PIK3C2A: variants seen among roughly 807,000 people sequenced by gnomAD.
The protein encoded by PIK3C2A is phosphatidylinositol 4-phosphate 3-kinase C2 domain-containing subunit alpha.
A neutral mutation model predicts 204.5 loss-of-function variants in PIK3C2A; 97 were observed. The ratio of observed to expected loss-of-function variants is 0.47; its 90% confidence interval spans 0.40 to 0.56. The LOEUF (loss-of-function observed/expected upper bound fraction) is 0.56. PIK3C2A is among the 20% of genes least tolerant of loss of function. PIK3C2A has a pLI of 0.00. For missense variants in PIK3C2A, 1,735 were observed against 1,969.2 expected (o/e 0.88, Z 2.25); for synonymous variants, 653 against 664.4 (o/e 0.98, Z 0.26).
chr11:17,126,303 A>T (rs1849521162), intron 13 of PIK3C2A, among the ~76,000 whole-genome samples: 1 of 151,758 alleles, frequency 6.6e-6, no homozygotes, highest in Admixed American at 6.6e-5. Context: ...AATCTGAGCT[A>T]CCGGATGGGA....
chr11:17,112,767 T>C, intron 20 of PIK3C2A, 101 bp from the exon 21 acceptor site: 2 of 521,292 alleles, frequency 3.8e-6, no homozygotes, highest in Non-Finnish European at 6.8e-6. Flanking sequence ...CCTTTGTGTC[T>C]TGTTTTTAGA....
At chr11:17,138,262 A>G (rs1175462146) in intron 8 of PIK3C2A, 7 of 813,600 alleles carry the variant, frequency 8.6e-6, no homozygotes, top group Non-Finnish European at 1.5e-5. Context: ...GGGGTTCAGG[A>G]CAGGCTAGGA....
chr11:17,158,534 G>C (rs941164124), intron 2 of PIK3C2A, among the ~76,000 whole-genome samples: 2 of 151,988 alleles, frequency 1.3e-5, no homozygotes, highest in Non-Finnish European at 2.9e-5. Context: ...TATAGGCAGA[G>C]TGTGAATTTC....
At chr11:17,193,589 C>A in intron 1 of PIK3C2A, 1 of 383,286 alleles carries the variant, frequency 2.6e-6, no homozygotes, top group Non-Finnish European at 5.1e-6. Flanking sequence ...GGCTTACGCC[C>A]GTAATCCCAG....
Position 17,122,742 on chromosome 11 carries a change from A to G in PIK3C2A, c.2471T>C (p.Val824Ala). ...SSHTNSVPGT[V>A]TKKGYVMERI... ...TTCCATGACATATCCTTTTTTGGTAACTGTTCCAGGAACAGAATTTGTATG... is the reference window on the plus strand; with the variant it reads ...TTCCATGACATATCCTTTTTTGGTAGCTGTTCCAGGAACAGAATTTGTATG... Residue 824 changes from valine to alanine, a missense_variant, in exon 14 of 33, where the codon GTT becomes GCT. By Grantham distance (64) the Val-to-Ala change is moderately conservative. Around this residue, in one of 6 missense-constraint regions of PIK3C2A, gnomAD observed 567 missense variants for 576.0 expected, o/e 0.98. Coordinates refer to ENST00000691414, the MANE Select transcript of PIK3C2A (RefSeq NM_002645.4). 6.4e-7 allele frequency: 1 copy of G among 1,562,366 alleles called. No individual in the cohort carries two copies. Among genetic ancestry groups the G allele is most frequent in the Non-Finnish European group, 8.8e-7 (1 of 1,136,504 alleles).
intron 1 of PIK3C2A, among the ~76,000 whole-genome samples, chr11:17,192,981 G>A (rs181367198): frequency 6.6e-6 from 1 of 152,334 alleles, no homozygotes; most frequent in East Asian, 1.9e-4. Flanking sequence ...ACGACTGTGG[G>A]AGTACACTCA....
intron 27 of PIK3C2A, among the ~76,000 whole-genome samples, chr11:17,096,575 C>T (rs1397220651): frequency 1.3e-5 from 2 of 151,462 alleles, no homozygotes; most frequent in African/African-American, 2.4e-5. Flanking sequence ...AGTAAAATAG[C>T]TTTTTAAAGA....
At chr11:17,118,612 G>C (rs1312420418) in intron 18 of PIK3C2A, 33 bp downstream of exon 18, 4 of 951,738 alleles carry the variant, frequency 4.2e-6, no homozygotes, top group Non-Finnish European at 6.8e-6. Context: ...TCTAGGAATG[G>C]AAATACGGTA....
intron 3 of PIK3C2A, among the ~76,000 whole-genome samples, chr11:17,151,641 C>T (rs1347029598): frequency 6.6e-6 from 1 of 152,072 alleles, no homozygotes; most frequent in African/African-American, 2.4e-5. Flanking sequence ...TTCCTTGTTG[C>T]TTCTGTTTTT....
chr11:17,135,313 GA>G (rs746214748), intron 9 of PIK3C2A, among the ~76,000 whole-genome samples, 154 bp from the exon 10 acceptor site: 42 of 152,084 alleles, frequency 2.8e-4, no homozygotes, highest in Non-Finnish European at 5.3e-4. Context: ...AAAAGAAAGG[GA>G]AAACCACAAA....
In PIK3C2A at chr11:17,168,686, A is replaced by T; in HGVS notation, c.1056T>A (p.His352Gln). The T allele has an allele frequency of 5.7e-6, 9 of 1,566,314 alleles. No homozygotes were observed. Among genetic ancestry groups the T allele is most frequent in the Non-Finnish European group, 7.8e-6 (9 of 1,156,152 alleles). ...TAAGAAAAGACTATACCTGAGATAT[A>T]TGGCCCTGGGCTTTTGCAAGCTGAG... Reference protein sequence around the residue: ...RTTQLAKAQGHISQKDPNGTS... With the variant: ...RTTQLAKAQGQISQKDPNGTS... Residue 352 changes from histidine to glutamine, a missense_variant, in exon 2 of 33, where the codon CAT becomes CAA. Around this residue, in one of 6 missense-constraint regions of PIK3C2A, gnomAD observed 536 missense variants for 546.7 expected, o/e 0.98. Transcript: ENST00000691414.
At chr11:17,189,745 A>G (rs1188822069) in intron 1 of PIK3C2A, among the ~76,000 whole-genome samples, 1 of 151,228 alleles carries the variant, frequency 6.6e-6, no homozygotes, top group Non-Finnish European at 1.5e-5. Context: ...GAAGTATGAA[A>G]AACTAAAAAG....
chr11:17,121,409 G>A (rs557050544), intron 15 of PIK3C2A, among the ~76,000 whole-genome samples: 14 of 152,096 alleles, frequency 9.2e-5, no homozygotes, highest in Non-Finnish European at 1.2e-4. Context: ...GAGCCACCAC[G>A]CCCAGTCTCC....
rs375951665 is a variant in PIK3C2A at position 17,088,056 on chromosome 11, T to C, written c.*1682A>G. On this transcript the variant is annotated 3_prime_UTR_variant, in exon 33 of 33. Coordinates refer to ENST00000691414, the MANE Select transcript of PIK3C2A (RefSeq NM_002645.4). The stretch of plus-strand genomic sequence containing the variant: ...TGGGAAACTGAATTGGCGATTGTCC[T>C]TTCTCTCTTGGTATTCTTTATTGCA... 2.0e-5 allele frequency: 3 copies of C among 152,280 alleles called. No individual in the cohort carries two copies. The highest frequency in any genetic ancestry group is 3.9e-4 in the East Asian group (2 of 5,188). The allele number at this position is 152,280 out of a possible 1,614,324, so 9.4% of individuals were successfully genotyped here. A position where few individuals can be genotyped will look rare whatever the true frequency, so the allele number is the denominator to read the frequency against.
At chr11:17,164,675 T>C (rs1297863018) in intron 2 of PIK3C2A, among the ~76,000 whole-genome samples, 2 of 152,210 alleles carry the variant, frequency 1.3e-5, no homozygotes, top group East Asian at 3.9e-4. Flanking sequence ...TGCTTACTAC[T>C]TTAATCCTTC....
intron 9 of PIK3C2A, among the ~76,000 whole-genome samples, chr11:17,135,677 A>ATGTGTG (rs35017690): frequency 4.9e-4 from 72 of 147,504 alleles, no homozygotes; most frequent in African/African-American, 1.6e-3. Context: ...AATTTCATAT[A>ATGTGTG]TGTGTGTGTG....
At position 17,174,605 on chromosome 11, in the gene PIK3C2A, A is replaced by AC. The variant is rs1238641065; in HGVS notation, c.-65-4800_-65-4799insG. 4.0e-4 allele frequency among the ~76,000 whole-genome samples: 11 copies of AC among 27,510 alleles called. 4 individuals carry two copies. Among genetic ancestry groups the AC allele is most frequent in the African/African-American group, 1.7e-3 (10 of 5,956 alleles). The allele number at this position is 27,510 out of a possible 152,430, so 18.0% of individuals were successfully genotyped here. On this transcript the variant is annotated intron_variant, in intron 1 of 32. Coordinates refer to ENST00000691414, the MANE Select transcript of PIK3C2A (RefSeq NM_002645.4). The stretch of plus-strand genomic sequence containing the variant: ...CGAGACTCCGTCTCAAAAAAAAAAA[A>AC]AAAACAAAACAGCAGCCACGCAGTG...
At chr11:17,182,510 A>G (rs1372344897) in intron 1 of PIK3C2A, among the ~76,000 whole-genome samples, 1 of 150,514 alleles carries the variant, frequency 6.6e-6, no homozygotes, top group African/African-American at 2.5e-5. Context: ...TTGAGGCTGC[A>G]GTGAGTCAAG....
chr11:17,091,951 T>G (rs1201138216), intron 30 of PIK3C2A, 45 bp downstream of exon 30: 1 of 1,171,628 alleles, frequency 8.5e-7, no homozygotes, highest in East Asian at 2.3e-5. Context: ...AGTTACAGAC[T>G]TGCAGATCAT....
Sources: gnomAD v4.1 joint callset for allele counts (sites outside exome capture counted in the v4.1 genomes callset) on GRCh38, gnomAD v4.1.1 for gene constraint, gnomAD v4.1.1 regional missense constraint, MANE v1.5 for transcripts, NCBI Gene and HGNC (gene_info 2026-07-23, HGNC 2026-07-21) for gene names.